ARHGEF10: variants seen among roughly 807,000 people sequenced by gnomAD.
The protein encoded by ARHGEF10 is Rho guanine nucleotide exchange factor (GEF) 10.
ARHGEF10 carries 140 observed loss-of-function variants against 147.4 expected under a neutral mutation model. That is an observed-to-expected ratio of 0.95 (90% confidence interval 0.83 to 1.09). The LOEUF is 1.09. Among genes scored for constraint, ARHGEF10 ranks in the 50% least tolerant of loss-of-function variants. The probability of loss-of-function intolerance (pLI) is 0.00; values close to 1 mark genes in which losing one functional copy is unlikely to be tolerated. For synonymous variants in ARHGEF10, 902 were observed against 695.8 expected, an observed-to-expected ratio of 1.30 and a Z score of -4.67; for missense variants, 2,222 against 1,752.7, an observed-to-expected ratio of 1.27 and a Z score of -4.78.
chr8:1,909,399 C>T lies in ARHGEF10; in HGVS notation c.2072C>T (p.Thr691Met), dbSNP rs147544189. The change falls in exon 18 of 29, where the codon ACG becomes ATG. Residue 691 changes from threonine to methionine, a missense_variant. Transcript: ENST00000349830. ...DAIEYGSSAG[T>M]GEHSRHLAVH... is the part of the protein sequence containing the mutation. ...ATCGAGTATGGCAGCAGCGCAGGCA[C>T]GGGCGAGCACAGCAGGCACCTTGCC... is the stretch of plus-strand genomic sequence containing the variant. 3.6e-5 allele frequency: 58 copies of T among 1,614,004 alleles called. No individual in the cohort carries two copies. The highest frequency in any genetic ancestry group is 1.2e-4 in the African/African-American group (9 of 74,934).
intron 4 of ARHGEF10, among the ~76,000 whole-genome samples, chr8:1,861,781 T>G (rs1806155461): frequency 6.6e-6 from 1 of 152,196 alleles, no homozygotes; most frequent in South Asian, 2.1e-4. Flanking sequence ...GCTGCTGTTG[T>G]CACTCTGTGA....
At chr8:1,868,624 T>A (rs1261643725) in intron 6 of ARHGEF10, among the ~76,000 whole-genome samples, 1 of 152,208 alleles carries the variant, frequency 6.6e-6, no homozygotes, top group Admixed American at 6.5e-5. Flanking sequence ...AGAAACACTG[T>A]CCTATATGTT....
At chr8:1,940,841 C>T (rs1180436440) in intron 26 of ARHGEF10, among the ~76,000 whole-genome samples, 12 of 152,162 alleles carry the variant, frequency 7.9e-5, no homozygotes, top group Admixed American at 7.9e-4. Context: ...CAGTGGAATG[C>T]ATCACATTAA....
At position 1,958,279 on chromosome 8, in the gene ARHGEF10, C is replaced by T. The variant is rs1815733889; in HGVS notation, c.*1016C>T. On this transcript the variant is annotated 3_prime_UTR_variant, in exon 29 of 29. Transcript: ENST00000349830. ...GGCCAGCCTGTCTGTTGTGCAGACG[C>T]CTCCTCTGCAGAACGCATCAGTTTC... 6.6e-6 allele frequency: 1 copy of T among 152,244 alleles called. No individual in the cohort carries two copies. The highest frequency in any genetic ancestry group is 1.5e-5 in the Non-Finnish European group (1 of 68,056). 9.4% of individuals were successfully genotyped at this position (152,244 alleles called of 1,614,324 possible).
At position 1,956,862 on chromosome 8, in the gene ARHGEF10, C is replaced by A; in HGVS notation, c.3634C>A (p.Pro1212Thr). 1 of 1,614,086 alleles carries A rather than the reference C, an allele frequency of 6.2e-7. No homozygotes were observed. The highest frequency in any genetic ancestry group is 8.5e-7 in the Non-Finnish European group (1 of 1,180,030). Residue 1212 changes from proline (P) to threonine (T), a missense_variant, in exon 29 of 29, where the codon CCC becomes ACC. Physicochemically the swap from Pro to Thr is conservative, Grantham distance 38. Transcript: ENST00000349830. ...ATCCAGGGACAGCCTGGCTCCTGGC[C>A]CCGAGCCTCAGGACGAAGACCAGAA... is the stretch of plus-strand genomic sequence containing the variant. ...DKSRDSLAPG[P>T]EPQDEDQKDA...
chr8:1,859,186 G>A (rs1409791785), intron 3 of ARHGEF10, among the ~76,000 whole-genome samples: 2 of 149,346 alleles, frequency 1.3e-5, no homozygotes, highest in Non-Finnish European at 3.0e-5. Flanking sequence ...CCAGCCTCTC[G>A]GTTGTTTGCC....
In ARHGEF10 at chr8:1,935,415, G is replaced by A. The variant is rs377096097; in HGVS notation, c.3222+1473G>A. 2.0e-4 allele frequency among the ~76,000 whole-genome samples: 31 copies of A among 152,286 alleles called. 1 individual carries two copies. In the South Asian group the frequency reaches 2.1e-3, roughly 10 times the overall value. The stretch of plus-strand genomic sequence containing the variant: ...CCACCACTACAGCATCGCGCAGAGT[G>A]GGTTCACTGCCCTGGAAATCCTCTG... On this transcript the variant is annotated intron_variant, in intron 26 of 28. Transcript: ENST00000349830.
At chr8:1,861,100 C>T (rs1440960405) in intron 4 of ARHGEF10, among the ~76,000 whole-genome samples, 2 of 152,196 alleles carry the variant, frequency 1.3e-5, no homozygotes, top group South Asian at 2.1e-4. Flanking sequence ...GTGGGTGCCT[C>T]GCTCACCTCC....
chr8:1,826,093 A>G (rs758210596), intron 1 of ARHGEF10: 3 of 1,593,364 alleles, frequency 1.9e-6, no homozygotes, highest in East Asian at 2.2e-5. Flanking sequence ...TTACGGATGC[A>G]TAACTCTTTA....
At position 1,826,117 on chromosome 8, in the gene ARHGEF10, C is replaced by T. The variant is rs776310884; in HGVS notation, c.-48+2004C>T. On this transcript the variant is annotated intron_variant, in intron 1 of 28. Transcript: ENST00000349830. ...CATAACTCTTTATAGACAGATGAGA[C>T]CTCCAGGATTTCTCAGCAGTAAGAA... 3.8e-6 allele frequency: 6 copies of T among 1,594,612 alleles called. No homozygotes were observed. The South Asian group carries it at 5.6e-5, about 15-fold the overall frequency.
In ARHGEF10 at chr8:1,952,731, C is replaced by G. The variant is rs1815157519; in HGVS notation, c.3424C>G (p.Leu1142Val). ...GCACCAGCGGCTGTCGGTGACGAGC[C>G]TGCTCGTCTGCCACGGATTGCTGAT... Reference protein sequence around the residue: ...PGHQRLSVTSLLVCHGLLMVG... With the variant: ...PGHQRLSVTSVLVCHGLLMVG... Residue 1142 changes from leucine (L) to valine (V), a missense_variant, in exon 28 of 29, where the codon CTG becomes GTG. By Grantham distance (32) the Leu-to-Val change is conservative. Coordinates refer to ENST00000349830, the MANE Select transcript of ARHGEF10 (RefSeq NM_014629.4). 6.2e-7 allele frequency: 1 copy of G among 1,613,176 alleles called. No homozygotes were observed. The highest frequency in any genetic ancestry group is 8.5e-7 in the Non-Finnish European group (1 of 1,180,024).
intron 27 of ARHGEF10, among the ~76,000 whole-genome samples, chr8:1,950,394 C>T (rs1814935459): frequency 6.6e-6 from 1 of 152,228 alleles, no homozygotes; most frequent in Admixed American, 6.5e-5. Flanking sequence ...TGTTGATTGG[C>T]AGACTGCTTG....
intron 28 of ARHGEF10, among the ~76,000 whole-genome samples, chr8:1,955,499 C>G (rs191855548): frequency 2.7e-5 from 4 of 148,416 alleles, no homozygotes; most frequent in African/African-American, 5.1e-5. Flanking sequence ...TGCACTCTCA[C>G]TGTTTCTCTG....
At chr8:1,905,917 T>C (rs758489482) in intron 17 of ARHGEF10, among the ~76,000 whole-genome samples, 6 of 152,236 alleles carry the variant, frequency 3.9e-5, no homozygotes, top group Non-Finnish European at 5.9e-5. Context: ...AAGTCACTGT[T>C]AGTAGAAGTA....
At chr8:1,832,242 C>T (rs948235350) in intron 1 of ARHGEF10, among the ~76,000 whole-genome samples, 2 of 149,552 alleles carry the variant, frequency 1.3e-5, no homozygotes, top group South Asian at 2.2e-4. Flanking sequence ...TTGCGGTGGG[C>T]GGGGGGCGCG....
rs547021110 is a variant in ARHGEF10 at position 1,889,000 on chromosome 8, A to G, written c.1182+3293A>G. ...GACACTGAGGTGTGAGGGGTCTACAAGGAGTCACGGAGTGCAGTGAGAGTT... is the reference window on the plus strand; with the variant it reads ...GACACTGAGGTGTGAGGGGTCTACAGGGAGTCACGGAGTGCAGTGAGAGTT... On this transcript the variant is annotated intron_variant, in intron 11 of 28. Coordinates refer to ENST00000349830, the MANE Select transcript of ARHGEF10 (RefSeq NM_014629.4). 1.7e-4 allele frequency among the ~76,000 whole-genome samples: 12 copies of G among 69,834 alleles called. 3 individuals are homozygous for G. Among genetic ancestry groups the G allele is most frequent in the African/African-American group, 7.0e-4 (12 of 17,112 alleles). 45.8% of individuals were successfully genotyped at this position (69,834 alleles called of 152,430 possible).
intron 11 of ARHGEF10, among the ~76,000 whole-genome samples, chr8:1,890,139 TGAGGGTTTGTGAGGA>T: frequency 4.8e-5 from 1 of 20,648 alleles, no homozygotes; most frequent in Non-Finnish European, 9.2e-5. Context: ...CGGAGTGGGG[TGAGGGTTTGTGAGGA>T]GACACTGAGT....
intron 2 of ARHGEF10, among the ~76,000 whole-genome samples, chr8:1,852,896 G>A (rs1469155832): frequency 6.6e-6 from 1 of 152,188 alleles, no homozygotes; most frequent in African/African-American, 2.4e-5. Context: ...GGGGTGTCGT[G>A]TCAAGCTGCC....
At chr8:1,865,877 G>C (rs1019079091) in intron 5 of ARHGEF10, among the ~76,000 whole-genome samples, 1 of 152,220 alleles carries the variant, frequency 6.6e-6, no homozygotes, top group Non-Finnish European at 1.5e-5. Flanking sequence ...GCGGTGTCGG[G>C]ACGACTGATC....
Sources: gnomAD v4.1 joint callset for allele counts (sites outside exome capture counted in the v4.1 genomes callset) on GRCh38, gnomAD v4.1.1 for gene constraint, MANE v1.5 for transcripts, NCBI Gene and HGNC (gene_info 2026-07-23, HGNC 2026-07-21) for gene names.